FGF18: variants seen among roughly 807,000 people sequenced by gnomAD.
FGF18 encodes the protein fibroblast growth factor 18.
Under a neutral mutation model 23.0 loss-of-function variants are expected in FGF18, and 5 were observed. The observed-to-expected ratio is 0.22, with a 90% CI of 0.11 to 0.46. The LOEUF (loss-of-function observed/expected upper bound fraction) is 0.46, where lower values mean the gene tolerates loss of function less well. Ranked by LOEUF, FGF18 falls within the 20% of genes least tolerant of loss-of-function variation. The pLI, the probability that FGF18 is intolerant of heterozygous loss-of-function variation, is 0.99. For synonymous variants in FGF18, 117 were observed against 118.9 expected (o/e 0.98, Z 0.10); for missense variants, 180 against 291.6 (o/e 0.62, Z 2.79).
chr5:171,428,881 A>T (rs1772137184), intron 2 of FGF18, among the ~76,000 whole-genome samples: 1 of 152,150 alleles, frequency 6.6e-6, no homozygotes, highest in Non-Finnish European at 1.5e-5. Context: ...GCCCATATTG[A>T]TGATCTGTAC....
At chr5:171,446,624 G>A (rs965929045) in intron 3 of FGF18, among the ~76,000 whole-genome samples, 9 of 152,156 alleles carry the variant, frequency 5.9e-5, no homozygotes, top group Non-Finnish European at 1.2e-4. Flanking sequence ...GGGGTTGTCT[G>A]GGCCCCAGCT....
chr5:171,423,914 A>G (rs780205696), intron 2 of FGF18, among the ~76,000 whole-genome samples: 38 of 151,016 alleles, frequency 2.5e-4, no homozygotes, highest in Non-Finnish European at 4.4e-4. Context: ...ACAGGTACAC[A>G]CCACCATGCT....
chr5:171,444,011 C>A (rs1356159672), intron 3 of FGF18, among the ~76,000 whole-genome samples: 1 of 151,628 alleles, frequency 6.6e-6, no homozygotes, highest in African/African-American at 2.4e-5. Flanking sequence ...CCTTCTTTGC[C>A]TCTCTCTGGC....
Position 171,457,092 on chromosome 5 carries a change from G to A in FGF18, c.*287G>A, listed in dbSNP as rs1772596408. ...GACAACTCTAAACTCGTCCCCAGAG[G>A]AGGACTTGAATGAGGAAACCAACAC... On this transcript the variant is annotated 3_prime_UTR_variant, in exon 5 of 5. Transcript: ENST00000274625. 3.4e-6 allele frequency: 1 copy of A among 296,792 alleles called. No homozygotes were observed. Among genetic ancestry groups the A allele is most frequent in the South Asian group, 1.0e-4 (1 of 9,826 alleles). The allele number at this position is 296,792 out of a possible 1,614,324, so 18.4% of individuals were successfully genotyped here.
intron 2 of FGF18, among the ~76,000 whole-genome samples, chr5:171,423,342 G>A (rs1561883363): frequency 6.6e-6 from 1 of 152,252 alleles, no homozygotes; most frequent in Non-Finnish European, 1.5e-5. Flanking sequence ...CAAACGGCGT[G>A]ACCAGTAAAT....
Position 171,434,460 on chromosome 5 carries a change from GC to G in FGF18, c.70-1632del, listed in dbSNP as rs1772219326. 6.6e-6 allele frequency among the ~76,000 whole-genome samples: 1 copy of G among 152,212 alleles called. No individual in the cohort carries two copies. The highest frequency in any genetic ancestry group is 6.5e-5 in the Admixed American group (1 of 15,284). ...GCTGAGAGGTGAGACAGATGTTTGGGCAGCCAGGGTCCCAAGAGCTCTGCCA... is the reference window on the plus strand; with the variant it reads ...GCTGAGAGGTGAGACAGATGTTTGGGAGCCAGGGTCCCAAGAGCTCTGCCA... On this transcript the variant is annotated intron_variant, in intron 2 of 4. Coordinates refer to ENST00000274625, the MANE Select transcript of FGF18 (RefSeq NM_003862.3). This position sits in a 1 kb window ranked among gnomAD's most constrained non-coding sequence, Gnocchi z 4.6.
At chr5:171,427,290 C>T (rs564609870) in intron 2 of FGF18, among the ~76,000 whole-genome samples, 35 of 151,980 alleles carry the variant, frequency 2.3e-4, no homozygotes, top group African/African-American at 8.0e-4. Flanking sequence ...GTAGCTAGCA[C>T]AATGGCAAAA....
intron 3 of FGF18, among the ~76,000 whole-genome samples, chr5:171,444,743 G>A (rs1321614739): frequency 6.6e-6 from 1 of 152,142 alleles, no homozygotes; most frequent in African/African-American, 2.4e-5. Flanking sequence ...ATGTGACTCA[G>A]GCAAGCCACT....
Position 171,436,838 on chromosome 5 carries a change from G to A in FGF18, c.250+565G>A, listed in dbSNP as rs114675720. 1.6e-4 allele frequency among the ~76,000 whole-genome samples: 24 copies of A among 152,250 alleles called. No homozygotes were observed. The highest frequency in any genetic ancestry group is 5.1e-4 in the African/African-American group (21 of 41,548). On this transcript the variant is annotated intron_variant, in intron 3 of 4. Coordinates refer to ENST00000274625, the MANE Select transcript of FGF18 (RefSeq NM_003862.3). The surrounding 1 kb of genome is among the most constrained non-coding windows in gnomAD (Gnocchi z 4.4). Reference sequence around the variant, plus strand: ...CCTGGAGTACTTGGGAACTCACCCCGCTCCCCTGCCTATGCTGCCTCTGCA... The same window carrying A: ...CCTGGAGTACTTGGGAACTCACCCCACTCCCCTGCCTATGCTGCCTCTGCA...
intron 3 of FGF18, among the ~76,000 whole-genome samples, chr5:171,438,806 A>G (rs1248483632): frequency 6.6e-6 from 1 of 151,710 alleles, no homozygotes; most frequent in African/African-American, 2.4e-5. Flanking sequence ...AATCAATACA[A>G]ATATTATTGG....
Position 171,420,152 on chromosome 5 carries a change from G to A in FGF18, c.-48G>A. 1 of 1,496,788 alleles carries A rather than the reference G, an allele frequency of 6.7e-7. No homozygotes were observed. The highest frequency in any genetic ancestry group is 8.9e-7 in the Non-Finnish European group (1 of 1,126,196). 92.7% of individuals were successfully genotyped at this position (1,496,788 alleles called of 1,614,324 possible). A position where few individuals can be genotyped will look rare whatever the true frequency, so the allele number is the denominator to read the frequency against. ...CGCCCGGTCCCGGCCGCGCGGAGCG[G>A]ACATGTGCAGGCTGGGCTAGGAGCC... is the stretch of plus-strand genomic sequence containing the variant. On this transcript the variant is annotated 5_prime_UTR_variant, in exon 1 of 5. Coordinates refer to ENST00000274625, the MANE Select transcript of FGF18 (RefSeq NM_003862.3).
At chr5:171,428,032 G>A (rs961922747) in intron 2 of FGF18, among the ~76,000 whole-genome samples, 3 of 152,190 alleles carry the variant, frequency 2.0e-5, no homozygotes, top group African/African-American at 7.2e-5. Flanking sequence ...CCCTGCCCGG[G>A]GGAGGCACTT....
At chr5:171,450,013 A>G (rs534317603) in intron 4 of FGF18, among the ~76,000 whole-genome samples, 7 of 150,542 alleles carry the variant, frequency 4.6e-5, no homozygotes, top group African/African-American at 1.7e-4. Flanking sequence ...GCTCTATGGT[A>G]GGGTCAGGTT....
chr5:171,425,924 A>G (rs1264105075), intron 2 of FGF18, among the ~76,000 whole-genome samples: 2 of 152,216 alleles, frequency 1.3e-5, no homozygotes, highest in Non-Finnish European at 2.9e-5. Context: ...GCACCGGTGC[A>G]TAAAGTAACC....
chr5:171,424,551 G>A (rs998369198), intron 2 of FGF18, among the ~76,000 whole-genome samples: 1 of 152,242 alleles, frequency 6.6e-6, no homozygotes, highest in African/African-American at 2.4e-5. Flanking sequence ...TACCATAGCA[G>A]ATGGACCTTC....
At chr5:171,431,459 C>T (rs1233923532) in intron 2 of FGF18, among the ~76,000 whole-genome samples, 2 of 152,188 alleles carry the variant, frequency 1.3e-5, no homozygotes, top group Admixed American at 6.5e-5. Context: ...TCCCCAGGGC[C>T]GGGGGACCTT....
At chr5:171,455,590 T>C (rs556881451) in intron 4 of FGF18, among the ~76,000 whole-genome samples, 1 of 152,306 alleles carries the variant, frequency 6.6e-6, no homozygotes, top group Admixed American at 6.5e-5. Context: ...TTTCTGTCCT[T>C]CTCTCCTCCT....
chr5:171,435,108 G>A (rs2113343161), intron 2 of FGF18, among the ~76,000 whole-genome samples: 1 of 152,348 alleles, frequency 6.6e-6, no homozygotes, highest in South Asian at 2.1e-4. Context: ...CCAGAGCCAT[G>A]CCAAGGTGGC....
rs1772332250 is a variant in FGF18, at chr5:171,440,898, G to T, written c.250+4625G>T. 6.6e-6 allele frequency among the ~76,000 whole-genome samples: 1 copy of T among 152,226 alleles called. No homozygotes were observed. Among genetic ancestry groups the T allele is most frequent in the South Asian group, 2.1e-4 (1 of 4,830 alleles). On this transcript the variant is annotated intron_variant, in intron 3 of 4. Transcript: ENST00000274625. The surrounding 1 kb of genome is among the most constrained non-coding windows in gnomAD (Gnocchi z 4.0). The stretch of plus-strand genomic sequence containing the variant: ...GTGGAACCATCTGTTGACGTGGCTG[G>T]TGCCCCTGCGAGAGTGTGAGCTCCT...
Sources: gnomAD v4.1 joint callset for allele counts (sites outside exome capture counted in the v4.1 genomes callset) on GRCh38, gnomAD v4.1.1 for gene constraint, Gnocchi (gnomAD v3.1) non-coding constraint, MANE v1.5 for transcripts, NCBI Gene and HGNC (gene_info 2026-07-23, HGNC 2026-07-21) for gene names.